The following SYT14 variants were observed in gnomAD, a reference collection of about 807,000 sequenced individuals.
SYT14 encodes the protein synaptotagmin-14.
SYT14 carries 32 observed loss-of-function variants against 74.2 expected under a neutral mutation model. That is an observed-to-expected ratio of 0.43 (90% CI 0.33 to 0.58). SYT14 has a LOEUF of 0.58. Ranked by LOEUF, SYT14 falls within the 20% of genes least tolerant of loss-of-function variation. The pLI is 0.05. For synonymous variants in SYT14, 298 were observed against 337.7 expected (o/e 0.88, Z 1.29); for missense variants, 791 against 981.8 (o/e 0.81, Z 2.60).
chr1:210,067,847 A>G (rs1455112459), intron 5 of SYT14, among the ~76,000 whole-genome samples: 1 of 151,920 alleles, frequency 6.6e-6, no homozygotes, highest in East Asian at 1.9e-4. Flanking sequence ...TTGCTTGGAA[A>G]TGATATGGTT....
At chr1:210,079,426 G>A (rs2081578260) in intron 5 of SYT14, among the ~76,000 whole-genome samples, 1 of 151,944 alleles carries the variant, frequency 6.6e-6, no homozygotes, top group Admixed American at 6.6e-5. Context: ...AAATACAAAG[G>A]AATAAGTTTT....
At chr1:210,058,494 C>T (rs984292087) in intron 5 of SYT14, among the ~76,000 whole-genome samples, 6 of 152,158 alleles carry the variant, frequency 3.9e-5, no homozygotes, top group Admixed American at 6.5e-5. Context: ...AGGCAACCAG[C>T]AAACCAGGGA....
intron 2 of SYT14, among the ~76,000 whole-genome samples, chr1:209,962,618 T>C (rs112343971): frequency 0.023 from 3,493 of 152,216 alleles, 59 homozygotes; most frequent in Non-Finnish European, 0.033. Flanking sequence ...CCGCATTGAC[T>C]CATGCTTGTT....
At chr1:210,029,853 A>G (rs947302216) in intron 5 of SYT14, among the ~76,000 whole-genome samples, 2 of 152,160 alleles carry the variant, frequency 1.3e-5, no homozygotes, top group African/African-American at 2.4e-5. Context: ...ACATGTTAAC[A>G]TTAAGTTTTC....
intron 5 of SYT14, among the ~76,000 whole-genome samples, chr1:210,029,078 G>A (rs972259440): frequency 6.6e-6 from 1 of 152,052 alleles, no homozygotes; most frequent in Non-Finnish European, 1.5e-5. Flanking sequence ...ATCTTTTTTG[G>A]AGAAATGTCC....
chr1:210,160,579 A>G (rs2083353025), intron 9 of SYT14, 150 bp from the exon 9 acceptor site: 1 of 690,860 alleles, frequency 1.4e-6, no homozygotes, highest in Non-Finnish European at 2.4e-6. Context: ...ATAAGCATCT[A>G]CATCAAAATG....
intron 2 of SYT14, among the ~76,000 whole-genome samples, chr1:209,992,493 A>C (rs762688069): frequency 2.0e-5 from 3 of 152,182 alleles, no homozygotes; most frequent in Non-Finnish European, 4.4e-5. Context: ...GTACACATGG[A>C]CATAGAAAAT....
At chr1:210,039,949 A>C (rs2080751475) in intron 5 of SYT14, among the ~76,000 whole-genome samples, 1 of 152,204 alleles carries the variant, frequency 6.6e-6, no homozygotes, top group African/African-American at 2.4e-5. Context: ...AAATGCGTTC[A>C]ACCATTGTGG....
chr1:210,143,562 T>C (rs940779417), intron 7 of SYT14, among the ~76,000 whole-genome samples: 2 of 152,130 alleles, frequency 1.3e-5, no homozygotes, highest in African/African-American at 4.8e-5. Flanking sequence ...ACCATCTATA[T>C]TATTACTGTC....
At chr1:210,019,131 CAAAAAAAAA>C (rs1215149823) in intron 4 of SYT14, among the ~76,000 whole-genome samples, 1 of 56,682 alleles carries the variant, frequency 1.8e-5, no homozygotes, top group Non-Finnish European at 3.1e-5. Context: ...TGAGACTCCT[CAAAAAAAAA>C]AAAAAAAAAA....
chr1:210,084,829 T>C (rs1275716222), intron 5 of SYT14, among the ~76,000 whole-genome samples: 1 of 152,224 alleles, frequency 6.6e-6, no homozygotes, highest in Non-Finnish European at 1.5e-5. Flanking sequence ...CTAATTAAGT[T>C]TATGATAATC....
chr1:210,087,469 C>T (rs933355311), intron 5 of SYT14, among the ~76,000 whole-genome samples: 4 of 152,180 alleles, frequency 2.6e-5, no homozygotes, highest in African/African-American at 4.8e-5. Context: ...TGCGAACACA[C>T]TCCTTATCTT....
At chr1:209,970,679 T>A (rs1468227391) in intron 2 of SYT14, among the ~76,000 whole-genome samples, 2 of 63,544 alleles carry the variant, frequency 3.1e-5, no homozygotes, top group African/African-American at 1.0e-4. Flanking sequence ...TTTTTTTTTT[T>A]TTTTTTTTTT....
chr1:210,007,861 A>G (rs2080016835), intron 2 of SYT14, among the ~76,000 whole-genome samples: 2 of 152,156 alleles, frequency 1.3e-5, no homozygotes, highest in African/African-American at 4.8e-5. Context: ...TATTAATCTA[A>G]AGACTAAGAT....
chr1:210,157,137 G>A (rs1457006940), intron 8 of SYT14, among the ~76,000 whole-genome samples: 1 of 152,018 alleles, frequency 6.6e-6, no homozygotes, highest in African/African-American at 2.4e-5. Context: ...ATTCCAAGAA[G>A]CAAGTAATTA....
At chr1:209,982,588 A>G (rs913232301) in intron 2 of SYT14, among the ~76,000 whole-genome samples, 1 of 152,094 alleles carries the variant, frequency 6.6e-6, no homozygotes, top group African/African-American at 2.4e-5. Context: ...TTATTTATCC[A>G]TTCACCTACA....
intron 5 of SYT14, among the ~76,000 whole-genome samples, chr1:210,021,833 T>C (rs1056731602): frequency 6.6e-6 from 1 of 152,238 alleles, no homozygotes; most frequent in Non-Finnish European, 1.5e-5. Flanking sequence ...TTCAGTAATT[T>C]GAAGGATTAT....
intron 2 of SYT14, among the ~76,000 whole-genome samples, chr1:209,958,257 C>T (rs72649924): frequency 0.05 from 7,619 of 152,128 alleles, 1,032 homozygotes; most frequent in East Asian, 0.41. Flanking sequence ...AATCAATGTA[C>T]CTATTCCCTA....
intron 5 of SYT14, among the ~76,000 whole-genome samples, chr1:210,046,373 C>A (rs1471180184): frequency 6.6e-6 from 1 of 152,064 alleles, no homozygotes; most frequent in African/African-American, 2.4e-5. Flanking sequence ...GACTCAGTCT[C>A]AAGTAGAAAA....
Sources: gnomAD v4.1 joint callset for allele counts (sites outside exome capture counted in the v4.1 genomes callset) on GRCh38, gnomAD v4.1.1 for gene constraint, MANE v1.5 for transcripts, NCBI Gene and HGNC (gene_info 2026-07-23, HGNC 2026-07-21) for gene names.